The following PCDHGB7 variants were observed in gnomAD, a reference collection of about 807,000 sequenced individuals.
The protein encoded by PCDHGB7 is protocadherin gamma subfamily B, 7.
Under a neutral mutation model 61.4 loss-of-function variants are expected in PCDHGB7, and 37 were observed. The ratio of observed to expected loss-of-function variants is 0.60; its 90% CI spans 0.46 to 0.79. PCDHGB7 has a LOEUF of 0.79. Among genes scored for constraint, PCDHGB7 ranks in the 30% least tolerant of loss-of-function variants. The pLI is 0.00. For missense variants in PCDHGB7, 1,166 were observed against 1,202.5 expected (o/e 0.97, Z 0.45); for synonymous variants, 464 against 503.5 (o/e 0.92, Z 1.05).
chr5:141,421,288 C>T, intron 1 of PCDHGB7: 1 of 1,613,312 alleles, frequency 6.2e-7, no homozygotes, highest in Non-Finnish European at 8.5e-7. Context: ...GTGCATTTTC[C>T]TGGGGACGCT....
At position 141,432,476 on chromosome 5, in the gene PCDHGB7, A is replaced by T. The variant is rs778378071; in HGVS notation, c.2415+12202A>T. On this transcript the variant is annotated intron_variant, in intron 1 of 3. Transcript: ENST00000398594. This position sits in a 1 kb window ranked among gnomAD's most constrained non-coding sequence, Gnocchi z 6.0. ...CCCCGCCCTCCCCACGGACGGTTCC[A>T]CTGGCGTGGAGCTGGCTCCCCGCTC... 4.6e-5 allele frequency: 75 copies of T among 1,613,962 alleles called. No homozygotes were observed. In the South Asian group the frequency reaches 7.9e-4, roughly 17 times the overall value.
chr5:141,433,823 G>T (rs555746621), intron 1 of PCDHGB7, among the ~76,000 whole-genome samples: 2 of 144,288 alleles, frequency 1.4e-5, no homozygotes, highest in Non-Finnish European at 3.0e-5. Context: ...GGCAACAAGA[G>T]TGAAACTCTA....
Position 141,489,662 on chromosome 5 carries a change from G to T in PCDHGB7, c.2416-5145G>T, listed in dbSNP as rs2233601. On this transcript the variant is annotated intron_variant, in intron 1 of 3. Transcript: ENST00000398594. The surrounding 1 kb of genome is among the most constrained non-coding windows in gnomAD (Gnocchi z 4.5). Reference sequence around the variant, plus strand: ...TTTGCCACCCCTGAGCGAGAGATGCGCATCTCAGAATCAGCAGCATCTGGG... The same window carrying T: ...TTTGCCACCCCTGAGCGAGAGATGCTCATCTCAGAATCAGCAGCATCTGGG... 2.5e-6 allele frequency: 4 copies of T among 1,614,024 alleles called. No homozygotes were observed. The African/African-American group carries it at 4.0e-5, about 16-fold the overall frequency.
chr5:141,477,697 T>G lies in PCDHGB7; in HGVS notation c.2416-17110T>G, dbSNP rs745625196. ...TGTCATCCTTAGTGCCCCTAGACTA[T>G]GAGGATCGGCGGGAATTTGAATTAA... On this transcript the variant is annotated intron_variant, in intron 1 of 3. Coordinates refer to ENST00000398594, the MANE Select transcript of PCDHGB7 (RefSeq NM_018927.4). The surrounding 1 kb of genome is among the most constrained non-coding windows in gnomAD (Gnocchi z 4.9). 6.2e-7 allele frequency: 1 copy of G among 1,614,160 alleles called. No homozygotes were observed. Among genetic ancestry groups the G allele is most frequent in the South Asian group, 1.1e-5 (1 of 91,090 alleles).
intron 1 of PCDHGB7, among the ~76,000 whole-genome samples, chr5:141,483,709 G>A (rs1486825412): frequency 1.3e-5 from 2 of 152,036 alleles, no homozygotes; most frequent in Non-Finnish European, 2.9e-5. Flanking sequence ...TTTGACACCA[G>A]AATATTGGTT....
chr5:141,498,672 C>T (rs1034911993), intron 2 of PCDHGB7, among the ~76,000 whole-genome samples: 3 of 152,218 alleles, frequency 2.0e-5, no homozygotes, highest in South Asian at 4.1e-4. Context: ...TGGCTCACGC[C>T]TGTAATCCCA....
At chr5:141,468,160 G>C (rs2099158881) in intron 1 of PCDHGB7, among the ~76,000 whole-genome samples, 1 of 151,468 alleles carries the variant, frequency 6.6e-6, no homozygotes, top group African/African-American at 2.4e-5. Context: ...CCCTGTCTCT[G>C]CTAAAAATAG....
chr5:141,431,748 G>A lies in PCDHGB7; in HGVS notation c.2415+11474G>A, dbSNP rs759671844. On this transcript the variant is annotated intron_variant, in intron 1 of 3. Coordinates refer to ENST00000398594, the MANE Select transcript of PCDHGB7 (RefSeq NM_018927.4). This position sits in a 1 kb window ranked among gnomAD's most constrained non-coding sequence, Gnocchi z 4.8. ...ATGGATAATGCAGGATATTCTGCGC[G>A]AGCCAAAGTCCTGATCACTGTTCTG... 4 of 1,614,078 alleles carry A rather than the reference G, an allele frequency of 2.5e-6. No individual in the cohort carries two copies. Among genetic ancestry groups the A allele is most frequent in the African/African-American group, 1.3e-5 (1 of 74,934 alleles).
At chr5:141,433,220 T>C (rs781745522) in intron 1 of PCDHGB7, 1 of 1,509,734 alleles carries the variant, frequency 6.6e-7, no homozygotes, top group South Asian at 1.2e-5. Flanking sequence ...TTTTTTTTTT[T>C]AATTGCTCTG....
chr5:141,460,270 C>G (rs1223096441), intron 1 of PCDHGB7, among the ~76,000 whole-genome samples: 1 of 151,828 alleles, frequency 6.6e-6, no homozygotes, highest in Non-Finnish European at 1.5e-5. Context: ...TTTATTTTTT[C>G]TTTTATAGTT....
intron 2 of PCDHGB7, among the ~76,000 whole-genome samples, chr5:141,499,326 C>T (rs1465474737): frequency 6.6e-6 from 1 of 152,156 alleles, no homozygotes. Context: ...TATCCCTGCT[C>T]TCTCTCAGTT....
chr5:141,506,061 G>A (rs1260513343), intron 3 of PCDHGB7, among the ~76,000 whole-genome samples: 2 of 152,144 alleles, frequency 1.3e-5, no homozygotes, highest in Non-Finnish European at 2.9e-5. Flanking sequence ...GGTTGACTAA[G>A]GGCTTCCTTT....
At position 141,421,932 on chromosome 5, in the gene PCDHGB7, T is replaced by C. The variant is rs747598404; in HGVS notation, c.2415+1658T>C. On this transcript the variant is annotated intron_variant, in intron 1 of 3. Transcript: ENST00000398594. The stretch of plus-strand genomic sequence containing the variant: ...TTCCCATTCGTGTGGTGGTCCTCGA[T>C]GTAAATGATCACATCCCAATGTTTA... 3 of 1,613,588 alleles carry C rather than the reference T, an allele frequency of 1.9e-6. No individual in the cohort carries two copies. The East Asian group carries it at 6.7e-5, about 36-fold the overall frequency.
chr5:141,480,453 A>G (rs1033797238), intron 1 of PCDHGB7, among the ~76,000 whole-genome samples: 1 of 152,182 alleles, frequency 6.6e-6, no homozygotes, highest in African/African-American at 2.4e-5. Context: ...AATTATTTTT[A>G]TTAGTTCCTC....
chr5:141,468,229 G>A (rs1363462610), intron 1 of PCDHGB7, among the ~76,000 whole-genome samples: 4 of 150,884 alleles, frequency 2.7e-5, no homozygotes, highest in Non-Finnish European at 5.9e-5. Flanking sequence ...GGAGGATGAG[G>A]TAGGAGAATT....
intron 1 of PCDHGB7, among the ~76,000 whole-genome samples, chr5:141,464,882 A>T (rs1418376370): frequency 6.6e-6 from 1 of 151,918 alleles, no homozygotes; most frequent in Middle Eastern, 3.2e-3. Context: ...AGGACTACAG[A>T]TGGATGCCAC....
chr5:141,432,235 T>C lies in PCDHGB7; in HGVS notation c.2415+11961T>C, dbSNP rs1240828849. 1 of 1,614,102 alleles carries C rather than the reference T, an allele frequency of 6.2e-7. No individual in the cohort carries two copies. The highest frequency in any genetic ancestry group is 8.5e-7 in the Non-Finnish European group (1 of 1,180,050). ...ACGCCCAGATCACTTATTCCCTGGC[T>C]GAGAACACCATCCAAGGGGCAAGCC... On this transcript the variant is annotated intron_variant, in intron 1 of 3. Transcript: ENST00000398594. The surrounding 1 kb of genome is among the most constrained non-coding windows in gnomAD (Gnocchi z 6.0).
intron 1 of PCDHGB7, among the ~76,000 whole-genome samples, chr5:141,468,921 G>A (rs1254189500): frequency 6.6e-6 from 1 of 151,342 alleles, no homozygotes; most frequent in African/African-American, 2.4e-5. Context: ...GAAGAGAATA[G>A]CACTAAAATG....
Position 141,490,483 on chromosome 5 carries a change from G to A in PCDHGB7, c.2416-4324G>A. On this transcript the variant is annotated intron_variant, in intron 1 of 3. Transcript: ENST00000398594. The surrounding 1 kb of genome is among the most constrained non-coding windows in gnomAD (Gnocchi z 5.4). ...GCTAACCAGCCAGCCTTTGGACCGG[G>A]AGGCCACATCCCACTATATCATCGA... 2.5e-6 allele frequency: 4 copies of A among 1,614,198 alleles called. No individual in the cohort carries two copies. Among genetic ancestry groups the A allele is most frequent in the Non-Finnish European group, 3.4e-6 (4 of 1,180,046 alleles).
Sources: gnomAD v4.1 joint callset for allele counts (sites outside exome capture counted in the v4.1 genomes callset) on GRCh38, gnomAD v4.1.1 for gene constraint, Gnocchi (gnomAD v3.1) non-coding constraint, MANE v1.5 for transcripts, NCBI Gene and HGNC (gene_info 2026-07-23, HGNC 2026-07-21) for gene names.